The following ZBTB20 variants were observed in gnomAD, a reference collection of about 807,000 sequenced individuals.
The protein encoded by ZBTB20 is zinc finger and BTB domain-containing protein 20.
In ZBTB20, 9 loss-of-function variants were observed where a neutral mutation model predicts 56.9. The observed-to-expected ratio is 0.16, with a 90% confidence interval of 0.10 to 0.28. The LOEUF is 0.28. Ranked by LOEUF, ZBTB20 falls within the 10% of genes least tolerant of loss-of-function variation. The pLI is 1.00. For missense variants in ZBTB20, 655 were observed against 1,003.0 expected, an observed-to-expected ratio of 0.65 and a Z score of 4.69; for synonymous variants, 417 against 420.7, an observed-to-expected ratio of 0.99 and a Z score of 0.11.
intron 7 of ZBTB20, among the ~76,000 whole-genome samples, chr3:114,490,082 T>C (rs557022132): frequency 6.6e-6 from 1 of 152,066 alleles, no homozygotes; most frequent in Non-Finnish European, 1.5e-5. Context: ...TGGAGGCTGA[T>C]GGTGTAGATC....
intron 7 of ZBTB20, among the ~76,000 whole-genome samples, chr3:114,395,406 G>T (rs1277743934): frequency 6.6e-6 from 1 of 152,040 alleles, no homozygotes; most frequent in Non-Finnish European, 1.5e-5. Context: ...AAAAAGAGGA[G>T]GTTGGTTTTA....
intron 5 of ZBTB20, among the ~76,000 whole-genome samples, chr3:114,778,108 A>T (rs9874281): frequency 1.4e-4 from 13 of 89,906 alleles, no homozygotes; most frequent in South Asian, 1.1e-3. Context: ...GGTGGGGGGA[A>T]GGGGGAGGGA....
intron 1 of ZBTB20, among the ~76,000 whole-genome samples, chr3:115,124,365 A>G (rs974666604): frequency 6.6e-6 from 1 of 152,188 alleles, no homozygotes; most frequent in Admixed American, 6.5e-5. Context: ...TGACATCATC[A>G]ACAAATGTAA....
chr3:115,073,940 CCTA>C (rs745463711), intron 1 of ZBTB20, among the ~76,000 whole-genome samples: 1 of 151,840 alleles, frequency 6.6e-6, no homozygotes, highest in Non-Finnish European at 1.5e-5. Flanking sequence ...CAAAAAAATC[CCTA>C]CTATTTCATT....
chr3:114,375,978 T>C (rs1219413534), intron 10 of ZBTB20: 1 of 152,232 alleles, frequency 6.6e-6, no homozygotes, highest in Non-Finnish European at 1.5e-5. Context: ...CTCTTTAAAA[T>C]ACATTTTATG....
intron 5 of ZBTB20, among the ~76,000 whole-genome samples, chr3:114,715,412 C>T (rs1167112271): frequency 6.6e-6 from 1 of 152,186 alleles, no homozygotes; most frequent in Non-Finnish European, 1.5e-5. Context: ...CACGCTCCTT[C>T]ACAGGAAATG....
intron 7 of ZBTB20, among the ~76,000 whole-genome samples, chr3:114,452,862 T>C (rs1327357318): frequency 1.3e-5 from 2 of 152,130 alleles, no homozygotes; most frequent in Non-Finnish European, 2.9e-5. Context: ...TTTAAGGATT[T>C]TTGTAGAGCT....
At chr3:114,823,882 C>A (rs2073381949) in intron 4 of ZBTB20, among the ~76,000 whole-genome samples, 1 of 151,884 alleles carries the variant, frequency 6.6e-6, no homozygotes, top group African/African-American at 2.4e-5. Context: ...ACATAATGCA[C>A]TAGTATTTTT....
intron 7 of ZBTB20, chr3:114,453,549 G>C (rs1215767053): frequency 6.6e-6 from 1 of 152,136 alleles, no homozygotes; most frequent in Admixed American, 6.6e-5. Flanking sequence ...TTGATTATTT[G>C]ATGGACTTTT....
intron 7 of ZBTB20, among the ~76,000 whole-genome samples, chr3:114,417,726 A>C (rs1393964569): frequency 6.6e-6 from 1 of 152,080 alleles, no homozygotes; most frequent in Non-Finnish European, 1.5e-5. Context: ...AGAGCAAAAA[A>C]TCTTGCTCTG....
At chr3:115,057,704 T>C (rs2081857778) in intron 2 of ZBTB20, among the ~76,000 whole-genome samples, 1 of 152,202 alleles carries the variant, frequency 6.6e-6, no homozygotes, top group African/African-American at 2.4e-5. Context: ...CTGAAGAACC[T>C]CCATTAACAC....
At chr3:114,483,055 C>T (rs1226375208) in intron 7 of ZBTB20, among the ~76,000 whole-genome samples, 2 of 152,162 alleles carry the variant, frequency 1.3e-5, no homozygotes, top group Non-Finnish European at 2.9e-5. Flanking sequence ...CAGAGTGCAA[C>T]AACCTGTTCA....
At chr3:115,052,448 C>T (rs762415273) in intron 2 of ZBTB20, among the ~76,000 whole-genome samples, 9 of 150,896 alleles carry the variant, frequency 6.0e-5, no homozygotes, top group Admixed American at 1.3e-4. Flanking sequence ...TGGAGTGAGA[C>T]GCTTTCTCAT....
chr3:114,649,301 A>G (rs1344904119), intron 6 of ZBTB20, among the ~76,000 whole-genome samples: 2 of 152,062 alleles, frequency 1.3e-5, no homozygotes, highest in African/African-American at 4.8e-5. Flanking sequence ...GAAACTCATA[A>G]AATAAAGAAG....
At chr3:115,043,404 A>G (rs1263145457) in intron 2 of ZBTB20, among the ~76,000 whole-genome samples, 1 of 138,568 alleles carries the variant, frequency 7.2e-6, no homozygotes, top group South Asian at 2.3e-4. Flanking sequence ...ACTAAAAACT[A>G]AAAAAAAAAA....
At chr3:114,593,538 C>T (rs936223174) in intron 6 of ZBTB20, among the ~76,000 whole-genome samples, 1 of 152,008 alleles carries the variant, frequency 6.6e-6, no homozygotes, top group African/African-American at 2.4e-5. Flanking sequence ...GCATGCGCCA[C>T]CACACATGGC....
intron 3 of ZBTB20, among the ~76,000 whole-genome samples, chr3:114,967,682 C>T (rs1344902054): frequency 6.8e-6 from 1 of 146,744 alleles, no homozygotes; most frequent in Non-Finnish European, 1.5e-5. Context: ...CTCGGCTGGT[C>T]GCAGTGGCTC....
At chr3:114,401,192 A>C (rs1023958166) in intron 7 of ZBTB20, among the ~76,000 whole-genome samples, 9 of 142,114 alleles carry the variant, frequency 6.3e-5, no homozygotes, top group Non-Finnish European at 6.1e-5. Flanking sequence ...AGCACAATTG[A>C]ATTTTTTTGT....
At chr3:114,667,838 T>C (rs2061144806) in intron 6 of ZBTB20, among the ~76,000 whole-genome samples, 1 of 152,016 alleles carries the variant, frequency 6.6e-6, no homozygotes, top group South Asian at 2.1e-4. Flanking sequence ...AATGTATTAA[T>C]GAGAGGTAGC....
Sources: allele counts gnomAD v4.1 joint callset (sites outside exome capture counted in the v4.1 genomes callset), GRCh38; gene constraint gnomAD v4.1.1; transcripts MANE v1.5; gene names NCBI Gene and HGNC (gene_info 2026-07-23, HGNC 2026-07-21).